Variants in SLF2 observed in about 807,000 individuals in gnomAD.
The protein encoded by SLF2 is SMC5/6 complex localization factor 2.
Under a neutral mutation model 124.3 loss-of-function variants are expected in SLF2, and 68 were observed. The observed-to-expected ratio is 0.55, with a 90% CI of 0.45 to 0.67. The LOEUF (loss-of-function observed/expected upper bound fraction) is 0.67. Among genes scored for constraint, SLF2 ranks in the 30% least tolerant of loss-of-function variants. The pLI, the probability that SLF2 is intolerant of heterozygous loss-of-function variation, is 0.00. For missense variants in SLF2, 1,246 were observed against 1,373.7 expected, an observed-to-expected ratio of 0.91 and a Z score of 1.47; for synonymous variants, 480 against 478.8, an observed-to-expected ratio of 1.00 and a Z score of -0.03.
chr10:100,919,050 T>C (rs1474752412), intron 4 of SLF2, among the ~76,000 whole-genome samples: 1 of 144,390 alleles, frequency 6.9e-6, no homozygotes, highest in African/African-American at 2.6e-5. Context: ...TCTCGCTCTG[T>C]CGCCCAGGCT....
chr10:100,932,172 G>C lies in SLF2; in HGVS notation c.2436+1094G>C, dbSNP rs914294494. 2.0e-5 allele frequency among the ~76,000 whole-genome samples: 3 copies of C among 152,042 alleles called. No homozygotes were observed. In the South Asian group the frequency reaches 6.2e-4, roughly 32 times the overall value. ...GCAGTGGCTCATGCCTGTAATTCTAGCACTTTGGGATACCAAGGCAGGAGG... is the reference window on the plus strand; with the variant it reads ...GCAGTGGCTCATGCCTGTAATTCTACCACTTTGGGATACCAAGGCAGGAGG... On this transcript the variant is annotated intron_variant, in intron 9 of 19. Coordinates refer to ENST00000238961, the MANE Select transcript of SLF2 (RefSeq NM_018121.4).
At position 100,924,758 on chromosome 10, in the gene SLF2, C is replaced by G; in HGVS notation, c.1757C>G (p.Ser586Cys). The G allele has an allele frequency of 6.2e-7, 1 of 1,614,116 alleles. No individual in the cohort carries two copies. Among genetic ancestry groups the G allele is most frequent in the Non-Finnish European group, 8.5e-7 (1 of 1,180,044 alleles). Residue 586 changes from serine (S) to cysteine (C), a missense_variant, in exon 5 of 20, where the codon TCC (serine) becomes TGC (cysteine). Coordinates refer to ENST00000238961, the MANE Select transcript of SLF2 (RefSeq NM_018121.4). ...APSEGESSGN[S>C]NAGSSALKRK... is the part of the protein sequence containing the mutation. ...TCAGAAGGAGAGAGTTCAGGAAATT[C>G]CAATGCAGGTAGCAGTGCACTGAAA...
At chr10:100,949,951 T>C in intron 15 of SLF2, 125 bp from the exon 16 acceptor site, 1 of 950,824 alleles carries the variant, frequency 1.1e-6, no homozygotes, top group Non-Finnish European at 1.5e-6. Context: ...AAATGGATAT[T>C]GTTAAGTGTA....
intron 15 of SLF2, 35 bp downstream of exon 15, chr10:100,947,882 G>GGA: frequency 1.3e-6 from 2 of 1,517,332 alleles, no homozygotes; most frequent in Non-Finnish European, 1.8e-6. Flanking sequence ...TTAATAAATG[G>GGA]GAGAGGTAAT....
rs867645997 is a variant in SLF2, at chr10:100,964,691, T to C, written c.*2779T>C. On this transcript the variant is annotated 3_prime_UTR_variant, in exon 20 of 20. Coordinates refer to ENST00000238961, the MANE Select transcript of SLF2 (RefSeq NM_018121.4). ...CTTAGTTGGAGTATTTGCATTTTTA[T>C]TTTTATCAAAACAAATATAATTGGT... 1 of 152,764 alleles carries C rather than the reference T, an allele frequency of 6.5e-6. No homozygotes were observed. Among genetic ancestry groups the C allele is most frequent in the East Asian group, 1.9e-4 (1 of 5,196 alleles). The allele number at this position is 152,764 out of a possible 1,614,324, so 9.5% of individuals were successfully genotyped here.
chr10:100,928,079 C>G (rs113441090), intron 6 of SLF2, among the ~76,000 whole-genome samples: 76 of 113,078 alleles, frequency 6.7e-4, no homozygotes, highest in African/African-American at 2.3e-3. Context: ...GAGAGAGAGA[C>G]AGAGAGAGAG....
chr10:100,926,230 GC>G, intron 6 of SLF2: 1 of 1,538,276 alleles, frequency 6.5e-7, no homozygotes. Flanking sequence ...GATTACTTGA[GC>G]CCAGGAGTTC....
At chr10:100,953,111 G>A (rs1339579167) in intron 17 of SLF2, among the ~76,000 whole-genome samples, 3 of 151,140 alleles carry the variant, frequency 2.0e-5, no homozygotes, top group East Asian at 2.0e-4. Context: ...TGCCTCCCAG[G>A]TTCAAGCGAT....
chr10:100,918,779 A>G (rs1849469801), intron 4 of SLF2, among the ~76,000 whole-genome samples: 1 of 152,024 alleles, frequency 6.6e-6, no homozygotes, highest in Non-Finnish European at 1.5e-5. Flanking sequence ...GTGGGCAACT[A>G]TGCCTGGTTA....
Position 100,950,338 on chromosome 10 carries a change from C to T in SLF2, c.3252+131C>T, listed in dbSNP as rs1564783716. The T allele has an allele frequency of 1.4e-5, 15 of 1,042,342 alleles. No homozygotes were observed. The East Asian group carries it at 1.6e-4, about 11-fold the overall frequency. The allele number at this position is 1,042,342 out of a possible 1,614,324, so 64.6% of individuals were successfully genotyped here. On this transcript the variant is annotated intron_variant, in intron 16 of 19. Transcript: ENST00000238961. Reference sequence around the variant, plus strand: ...CATTCTAGCAAACATAATTTTAAAGCGAATAATATTTTTAATTTATCACTG... The same window carrying T: ...CATTCTAGCAAACATAATTTTAAAGTGAATAATATTTTTAATTTATCACTG...
chr10:100,956,050 A>C (rs1303536046), intron 17 of SLF2, among the ~76,000 whole-genome samples: 1 of 151,806 alleles, frequency 6.6e-6, no homozygotes, highest in Non-Finnish European at 1.5e-5. Context: ...GCCTGGCACC[A>C]GAGCCAGACC....
chr10:100,912,997 G>C lies in SLF2; in HGVS notation c.-114G>C, dbSNP rs1849343585. On this transcript the variant is annotated 5_prime_UTR_variant, in exon 1 of 20. Transcript: ENST00000238961. Reference sequence around the variant, plus strand: ...GAGAGAACCGCCATGAAGAGAGAAGGGGGTGCCGCCCACCTCTGCTCCGAC... The same window carrying C: ...GAGAGAACCGCCATGAAGAGAGAAGCGGGTGCCGCCCACCTCTGCTCCGAC... 1 of 1,159,264 alleles carries C rather than the reference G, an allele frequency of 8.6e-7. No individual in the cohort carries two copies. The highest frequency in any genetic ancestry group is 1.2e-6 in the Non-Finnish European group (1 of 819,970). The allele number at this position is 1,159,264 out of a possible 1,614,324, so 71.8% of individuals were successfully genotyped here.
intron 1 of SLF2, among the ~76,000 whole-genome samples, chr10:100,915,755 T>G (rs1589939431): frequency 6.6e-6 from 1 of 152,316 alleles, no homozygotes; most frequent in East Asian, 1.9e-4. Context: ...CTGACCTATT[T>G]AAGTACTATA....
In SLF2 at chr10:100,916,929, A is replaced by G; in HGVS notation, c.544A>G (p.Asn182Asp). ...ERRKSLFIHE[N>D]NEKNDRDRGK... Reference sequence around the variant, plus strand: ...AAGGAAGTCACTATTCATTCATGAAAATAATGAGAAGAATGATAGAGATCG... The same window carrying G: ...AAGGAAGTCACTATTCATTCATGAAGATAATGAGAAGAATGATAGAGATCG... Residue 182 changes from asparagine to aspartate, a missense_variant, in exon 3 of 20, where the codon AAT (asparagine) becomes GAT (aspartate). By Grantham distance (23) the Asn-to-Asp change is conservative (BLOSUM62 1). Coordinates refer to ENST00000238961, the MANE Select transcript of SLF2 (RefSeq NM_018121.4). 2 of 1,614,216 alleles carry G rather than the reference A, an allele frequency of 1.2e-6. No individual in the cohort carries two copies. Among genetic ancestry groups the G allele is most frequent in the Non-Finnish European group, 8.5e-7 (1 of 1,180,050 alleles).
intron 4 of SLF2, among the ~76,000 whole-genome samples, chr10:100,920,229 A>G (rs1849499067): frequency 6.6e-6 from 1 of 152,244 alleles, no homozygotes; most frequent in African/African-American, 2.4e-5. Context: ...ATGGAAGAAC[A>G]AAATATTATT....
chr10:100,944,939 A>G (rs1376110272), intron 12 of SLF2, among the ~76,000 whole-genome samples: 2 of 152,170 alleles, frequency 1.3e-5, no homozygotes, highest in African/African-American at 2.4e-5. Flanking sequence ...CTGAGGCGGG[A>G]GAATCACTTG....
intron 14 of SLF2, among the ~76,000 whole-genome samples, 192 bp from the exon 15 acceptor site, chr10:100,947,563 TAACTC>T (rs1452250164): frequency 1.3e-5 from 2 of 152,184 alleles, no homozygotes; most frequent in Admixed American, 1.3e-4. Flanking sequence ...GAGCTTCAGA[TAACTC>T]AAGTTTTATG....
At position 100,962,346 on chromosome 10, in the gene SLF2, G is replaced by A. The variant is rs1335600630; in HGVS notation, c.*434G>A. On this transcript the variant is annotated 3_prime_UTR_variant, in exon 20 of 20. Coordinates refer to ENST00000238961, the MANE Select transcript of SLF2 (RefSeq NM_018121.4). The stretch of plus-strand genomic sequence containing the variant: ...TGGAAAGCAAGACCAAGTTCCAGTT[G>A]GGTTTAATTTTCCCTCTTGGTTATT... The A allele has an allele frequency of 6.5e-6, 1 of 152,894 alleles. No homozygotes were observed. The highest frequency in any genetic ancestry group is 1.5e-5 in the Non-Finnish European group (1 of 68,662). The allele number at this position is 152,894 out of a possible 1,614,324, so 9.5% of individuals were successfully genotyped here.
intron 3 of SLF2, 38 bp downstream of exon 3, chr10:100,917,338 T>C (rs1564769333): frequency 6.5e-7 from 1 of 1,548,852 alleles, no homozygotes. Context: ...TTGCTACTGC[T>C]ATGTCATATT....
Sources: gnomAD v4.1 joint callset for allele counts (sites outside exome capture counted in the v4.1 genomes callset) on GRCh38, gnomAD v4.1.1 for gene constraint, MANE v1.5 for transcripts, NCBI Gene and HGNC (gene_info 2026-07-23, HGNC 2026-07-21) for gene names.